ANKFN1: variants seen among roughly 807,000 people sequenced by gnomAD.
The protein encoded by ANKFN1 is ankyrin repeat and fibronectin type-III domain-containing protein 1.
Under a neutral mutation model 108.7 loss-of-function variants are expected in ANKFN1, and 74 were observed. The ratio of observed to expected loss-of-function variants is 0.68; its 90% CI spans 0.56 to 0.83. The LOEUF (loss-of-function observed/expected upper bound fraction) is 0.83, where lower values mean the gene tolerates loss of function less well. Among genes scored for constraint, ANKFN1 ranks in the 40% least tolerant of loss-of-function variants. ANKFN1 has a pLI of 0.00. For missense variants in ANKFN1, 1,505 were observed against 1,382.3 expected, an observed-to-expected ratio of 1.09 and a Z score of -1.41; for synonymous variants, 547 against 516.2, an observed-to-expected ratio of 1.06 and a Z score of -0.81.
intron 1 of ANKFN1, among the ~76,000 whole-genome samples, chr17:56,168,810 C>A (rs761089027): frequency 1.3e-5 from 2 of 152,116 alleles, no homozygotes; most frequent in African/African-American, 2.4e-5. Context: ...CCCAACATCA[C>A]CCTAATTGGA....
intron 4 of ANKFN1, among the ~76,000 whole-genome samples, chr17:56,052,913 G>A (rs537433182): frequency 6.6e-6 from 1 of 152,262 alleles, no homozygotes; most frequent in South Asian, 2.1e-4. Flanking sequence ...CACAATTTGA[G>A]CCCAAACAGT....
intron 10 of ANKFN1, among the ~76,000 whole-genome samples, chr17:56,446,418 G>A (rs2049288659): frequency 6.6e-6 from 1 of 152,154 alleles, no homozygotes; most frequent in Admixed American, 6.5e-5. Context: ...TATTCTCACT[G>A]TGCCCCAATT....
chr17:56,215,869 C>G (rs1915389132), intron 2 of ANKFN1: 1 of 152,638 alleles, frequency 6.6e-6, no homozygotes, highest in Non-Finnish European at 1.5e-5. Flanking sequence ...GGCTGCTGGG[C>G]AGACAGAATT....
chr17:56,081,502 G>C (rs897262582), intron 4 of ANKFN1, among the ~76,000 whole-genome samples: 3 of 151,894 alleles, frequency 2.0e-5, no homozygotes, highest in Admixed American at 2.0e-4. Flanking sequence ...ACAGGCACCC[G>C]CCACCACGCC....
intron 15 of ANKFN1, among the ~76,000 whole-genome samples, chr17:56,469,361 C>T (rs1301513986): frequency 6.6e-6 from 1 of 151,834 alleles, no homozygotes; most frequent in Non-Finnish European, 1.5e-5. Context: ...TTAATTATAT[C>T]AGGAGTTGGC....
In ANKFN1 at chr17:56,184,707, T is replaced by A. The variant is rs574753685; in HGVS notation, c.-70-27891T>A. ...CATTTGAGAAAAGTTTCAAACTTTT[T>A]AAATATAAATCATCATTCTCGTGAT... On this transcript the variant is annotated intron_variant, in intron 1 of 20. Transcript: ENST00000682825. 12 of 152,338 alleles carry A rather than the reference T, an allele frequency of 7.9e-5. No individual in the cohort carries two copies. In the South Asian group the frequency reaches 2.3e-3, roughly 29 times the overall value. 9.4% of individuals were successfully genotyped at this position (152,338 alleles called of 1,614,324 possible).
chr17:56,183,307 C>T (rs1911868241), intron 1 of ANKFN1, among the ~76,000 whole-genome samples: 1 of 152,108 alleles, frequency 6.6e-6, no homozygotes, highest in Admixed American at 6.6e-5. Context: ...ATTCTAGATG[C>T]CATTAAGAAC....
chr17:56,326,560 GGA>G (rs756618379), intron 4 of ANKFN1, among the ~76,000 whole-genome samples: 28 of 152,200 alleles, frequency 1.8e-4, no homozygotes, highest in Non-Finnish European at 3.5e-4. Flanking sequence ...ACGTCCCTGT[GGA>G]GAGAGAGGAT....
At chr17:56,177,805 T>TTTTTGTTTTG (rs139512442) in intron 1 of ANKFN1, among the ~76,000 whole-genome samples, 1 of 151,474 alleles carries the variant, frequency 6.6e-6, no homozygotes, top group African/African-American at 2.4e-5. Context: ...TTTGTTTTTG[T>TTTTTGTTTTG]TTTTGTTTTG....
At chr17:56,046,097 C>T (rs1252891069) in exon 4 of ANKFN1, 1 of 152,232 alleles carries the variant, frequency 6.6e-6, no homozygotes, top group African/African-American at 2.4e-5. Context: ...AAACTAACAG[C>T]CCCAAAGCCC....
At chr17:56,337,455 AT>A (rs2045843534) in intron 4 of ANKFN1, among the ~76,000 whole-genome samples, 1 of 152,192 alleles carries the variant, frequency 6.6e-6, no homozygotes, top group South Asian at 2.1e-4. Flanking sequence ...AAAAGCCAAA[AT>A]TGACAAATGG....
At chr17:56,250,598 A>G (rs999402216) in intron 3 of ANKFN1, among the ~76,000 whole-genome samples, 1 of 152,250 alleles carries the variant, frequency 6.6e-6, no homozygotes, top group Non-Finnish European at 1.5e-5. Context: ...AACTAGATCT[A>G]TACATCATAT....
intron 4 of ANKFN1, among the ~76,000 whole-genome samples, chr17:56,119,300 G>T (rs1273502261): frequency 6.6e-6 from 1 of 152,144 alleles, no homozygotes; most frequent in African/African-American, 2.4e-5. Context: ...ACAAGAGCTT[G>T]TAATGCTCCT....
chr17:56,370,936 G>C (rs778950112), intron 6 of ANKFN1, among the ~76,000 whole-genome samples: 2 of 122,064 alleles, frequency 1.6e-5, no homozygotes, highest in African/African-American at 2.6e-5. Context: ...GTGCGCCCGC[G>C]TGTGTGTATG....
At chr17:56,406,280 CCA>C (rs1385681847) in intron 8 of ANKFN1, among the ~76,000 whole-genome samples, 2 of 152,238 alleles carry the variant, frequency 1.3e-5, no homozygotes, top group Admixed American at 6.5e-5. Context: ...CTGTAAATTT[CCA>C]CAGTGTTTTT....
chr17:56,458,663 T>C (rs999610491), intron 14 of ANKFN1, among the ~76,000 whole-genome samples: 1 of 152,174 alleles, frequency 6.6e-6, no homozygotes, highest in Non-Finnish European at 1.5e-5. Context: ...TTTTCTGGTA[T>C]TAAGTGAATT....
chr17:56,501,047 T>G (rs1231268871), intron 20 of ANKFN1, among the ~76,000 whole-genome samples: 8 of 152,078 alleles, frequency 5.3e-5, no homozygotes, highest in Admixed American at 5.2e-4. Flanking sequence ...AAGATGACAT[T>G]TGAACCAACC....
At chr17:56,273,429 A>C (rs190939415) in intron 3 of ANKFN1, among the ~76,000 whole-genome samples, 4 of 152,294 alleles carry the variant, frequency 2.6e-5, no homozygotes, top group African/African-American at 7.2e-5. Flanking sequence ...AATTTTATGT[A>C]GTTTTTCTAA....
chr17:56,099,123 T>C (rs1347468985), intron 4 of ANKFN1, among the ~76,000 whole-genome samples: 1 of 152,156 alleles, frequency 6.6e-6, no homozygotes, highest in Non-Finnish European at 1.5e-5. Flanking sequence ...GTGCACCAAT[T>C]TTCTACCCCA....
Sources: gnomAD v4.1 joint callset for allele counts (sites outside exome capture counted in the v4.1 genomes callset) on GRCh38, gnomAD v4.1.1 for gene constraint, MANE v1.5 for transcripts, NCBI Gene and HGNC (gene_info 2026-07-23, HGNC 2026-07-21) for gene names.